SH3PXD2A: variants seen among roughly 807,000 people sequenced by gnomAD.
SH3PXD2A encodes SH3 and PX domains 2A.
Under a neutral mutation model 115.2 loss-of-function variants are expected in SH3PXD2A, and 32 were observed. The observed-to-expected ratio is 0.28, with a 90% confidence interval of 0.21 to 0.37. SH3PXD2A has a LOEUF of 0.37. Among genes scored for constraint, SH3PXD2A ranks in the 10% least tolerant of loss-of-function variants. The pLI is 1.00. For synonymous variants in SH3PXD2A, 610 were observed against 629.1 expected (o/e 0.97, Z 0.45); for missense variants, 1,328 against 1,498.7 (o/e 0.89, Z 1.88).
chr10:103,693,201 C>G, intron 5 of SH3PXD2A, 145 bp from the exon 6 acceptor site: 3 of 303,090 alleles, frequency 9.9e-6, no homozygotes, highest in Non-Finnish European at 1.7e-5. Flanking sequence ...GCCGCGCGCT[C>G]CGCAGCCGCA....
intron 8 of SH3PXD2A, among the ~76,000 whole-genome samples, chr10:103,643,849 C>T (rs1486084809): frequency 3.3e-5 from 5 of 152,146 alleles, no homozygotes; most frequent in Non-Finnish European, 7.4e-5. Flanking sequence ...CGGTGGCTCA[C>T]GCCTGTAATC....
At chr10:103,724,462 G>A (rs1319533072) in intron 4 of SH3PXD2A, 101 bp from the exon 5 acceptor site, 27 of 638,436 alleles carry the variant, frequency 4.2e-5, no homozygotes, top group Non-Finnish European at 6.7e-5. Context: ...AGAGGCTCAA[G>A]AACTGAGCCA....
chr10:103,771,040 G>C (rs1564884971), intron 2 of SH3PXD2A, among the ~76,000 whole-genome samples: 1 of 152,290 alleles, frequency 6.6e-6, no homozygotes, highest in East Asian at 1.9e-4. Context: ...TGACTCCATA[G>C]GTTTCTGATG....
At chr10:103,633,706 C>T (rs1361942953) in intron 8 of SH3PXD2A, among the ~76,000 whole-genome samples, 2 of 108,698 alleles carry the variant, frequency 1.8e-5, no homozygotes, top group Admixed American at 1.5e-4. Flanking sequence ...CCAGTCTAGG[C>T]GATGGAGCAA....
At chr10:103,747,684 C>T (rs144378142) in intron 3 of SH3PXD2A, among the ~76,000 whole-genome samples, 32 of 152,246 alleles carry the variant, frequency 2.1e-4, no homozygotes, top group African/African-American at 5.8e-4. Context: ...GAGGAAAAGC[C>T]GCAGGAAGCA....
At chr10:103,823,200 C>G (rs780930581) in intron 1 of SH3PXD2A, among the ~76,000 whole-genome samples, 2 of 152,214 alleles carry the variant, frequency 1.3e-5, no homozygotes, top group Non-Finnish European at 2.9e-5. Context: ...TTGCAACTGT[C>G]TCAAAATCTA....
intron 6 of SH3PXD2A, among the ~76,000 whole-genome samples, chr10:103,682,438 C>G (rs1328470660): frequency 6.6e-6 from 1 of 152,158 alleles, no homozygotes; most frequent in Non-Finnish European, 1.5e-5. Flanking sequence ...GGACCCAGAG[C>G]CATGCAAATA....
chr10:103,844,252 G>A (rs909684697), intron 1 of SH3PXD2A, among the ~76,000 whole-genome samples: 5 of 152,216 alleles, frequency 3.3e-5, no homozygotes, highest in African/African-American at 1.2e-4. Context: ...CAGGCACTGC[G>A]CTGAGGGCTC....
chr10:103,733,475 A>T (rs1589434147), intron 4 of SH3PXD2A, among the ~76,000 whole-genome samples: 1 of 152,322 alleles, frequency 6.6e-6, no homozygotes, highest in East Asian at 1.9e-4. Flanking sequence ...TTGAGAAAGG[A>T]AAAAAGAGAA....
chr10:103,604,491 A>C (rs947553606), intron 14 of SH3PXD2A, among the ~76,000 whole-genome samples: 1 of 152,334 alleles, frequency 6.6e-6, no homozygotes, highest in Admixed American at 6.5e-5. Context: ...CCAATGGCCA[A>C]AAGTGTGGCT....
chr10:103,780,186 G>C (rs1033080162), intron 2 of SH3PXD2A, among the ~76,000 whole-genome samples: 2 of 152,242 alleles, frequency 1.3e-5, no homozygotes, highest in Non-Finnish European at 2.9e-5. Flanking sequence ...CTCAAGGCAA[G>C]GAGATTCCAG....
intron 1 of SH3PXD2A, among the ~76,000 whole-genome samples, chr10:103,821,687 C>A (rs1197104877): frequency 6.6e-6 from 1 of 151,936 alleles, no homozygotes. Flanking sequence ...CTGCCCCCCA[C>A]CACCAGTAGC....
chr10:103,697,016 C>T (rs956475951), intron 5 of SH3PXD2A, among the ~76,000 whole-genome samples: 8 of 152,114 alleles, frequency 5.3e-5, no homozygotes, highest in Non-Finnish European at 1.0e-4. Flanking sequence ...ACTCCCACCC[C>T]GCCCCATCCC....
At chr10:103,661,541 G>A (rs916993793) in intron 7 of SH3PXD2A, 27 of 577,088 alleles carry the variant, frequency 4.7e-5, no homozygotes, top group Admixed American at 1.3e-4. Flanking sequence ...CGGGGAGGGC[G>A]GCGAGCCAGC....
rs768968571 is a variant in SH3PXD2A at position 103,596,634 on chromosome 10, GACACACACACAC to G, written c.*5170_*5181del. On this transcript the variant is annotated 3_prime_UTR_variant, in exon 15 of 15. Coordinates refer to ENST00000369774, the MANE Select transcript of SH3PXD2A (RefSeq NM_001394015.1). ...GAAGTTACCAACACTTGCATACACA[GACACACACACAC>G]ACACACACACACACACACTCTCTCT... 9.2e-6 allele frequency: 1 copy of G among 109,282 alleles called. No homozygotes were observed. Among genetic ancestry groups the G allele is most frequent in the African/African-American group, 3.3e-5 (1 of 30,234 alleles). The allele number at this position is 109,282 out of a possible 1,614,324, so 6.8% of individuals were successfully genotyped here.
At chr10:103,643,571 G>A (rs1038329109) in intron 8 of SH3PXD2A, among the ~76,000 whole-genome samples, 1 of 152,172 alleles carries the variant, frequency 6.6e-6, no homozygotes, top group Non-Finnish European at 1.5e-5. Context: ...TTCTAAGCCT[G>A]GGTCAGATTT....
chr10:103,662,146 C>G (rs934172498), intron 7 of SH3PXD2A, among the ~76,000 whole-genome samples: 1 of 152,078 alleles, frequency 6.6e-6, no homozygotes, highest in African/African-American at 2.4e-5. Context: ...CTGGGTGCAG[C>G]AGAGGGAGGG....
At chr10:103,614,074 C>G (rs2036471047) in intron 11 of SH3PXD2A, among the ~76,000 whole-genome samples, 1 of 143,706 alleles carries the variant, frequency 7.0e-6, no homozygotes, top group Non-Finnish European at 1.5e-5. Flanking sequence ...AAGATCTCAT[C>G]TCTACCAAAA....
chr10:103,705,413 C>T (rs1004337226), intron 5 of SH3PXD2A, among the ~76,000 whole-genome samples: 1 of 152,190 alleles, frequency 6.6e-6, no homozygotes, highest in African/African-American at 2.4e-5. Context: ...ATTATTAATA[C>T]TATTATTGAC....
Sources: allele counts gnomAD v4.1 joint callset (sites outside exome capture counted in the v4.1 genomes callset), GRCh38; gene constraint gnomAD v4.1.1; transcripts MANE v1.5; gene names NCBI Gene and HGNC (gene_info 2026-07-23, HGNC 2026-07-21).